Variants in POM121 observed in about 807,000 individuals in gnomAD.
POM121 encodes nuclear envelope pore membrane protein POM 121.
Under a neutral mutation model 81.3 loss-of-function variants are expected in POM121, and 32 were observed. The ratio of observed to expected loss-of-function variants is 0.39; its 90% CI spans 0.30 to 0.53. The LOEUF is 0.53. Ranked by LOEUF, POM121 falls within the 20% of genes least tolerant of loss-of-function variation. POM121 has a pLI of 0.66. For synonymous variants in POM121, 514 were observed against 694.2 expected, an observed-to-expected ratio of 0.74 and a Z score of 4.08; for missense variants, 1,138 against 1,614.6, an observed-to-expected ratio of 0.70 and a Z score of 5.06.
chr7:72,939,749 C>A, intron 7 of POM121, 98 bp from the exon 8 acceptor site: 1 of 1,609,454 alleles, frequency 6.2e-7, no homozygotes, highest in Non-Finnish European at 8.5e-7. Context: ...TTCAGAGATA[C>A]CCATTGAAAA....
At chr7:72,948,699 C>A (rs782342980), downstream of POM121, 14 of 1,590,180 alleles carry the variant, frequency 8.8e-6, no homozygotes, top group South Asian at 1.4e-4. Flanking sequence ...ATTACAGCAA[C>A]GAAGAAGCCA....
intron 10 of POM121, among the ~76,000 whole-genome samples, chr7:72,941,414 G>A (rs1240503461): frequency 1.3e-5 from 2 of 149,116 alleles, no homozygotes; most frequent in Non-Finnish European, 3.0e-5. Flanking sequence ...ACGGCACTGC[G>A]CGCGCACACC....
rs571776461 is a variant in POM121, at chr7:72,934,664, G to C, written c.1276-3926G>C. Among the ~76,000 whole-genome samples, 10 of 152,290 alleles carry C rather than the reference G, an allele frequency of 6.6e-5. No individual in the cohort carries two copies. The East Asian group carries it at 1.9e-3, about 29-fold the overall frequency. On this transcript the variant is annotated intron_variant, in intron 5 of 12. Coordinates refer to ENST00000434423, the MANE Select transcript of POM121 (RefSeq NM_001387691.1). The stretch of plus-strand genomic sequence containing the variant: ...CCTGAAATTAATTTTTGTATATGGT[G>C]TGAGGTTGGAATCAAAATTAGTTTT...
At chr7:72,890,290 AG>A (rs1791175708) in intron 1 of POM121, among the ~76,000 whole-genome samples, 1 of 152,202 alleles carries the variant, frequency 6.6e-6, no homozygotes, top group South Asian at 2.1e-4. Context: ...GACTAAAAGA[AG>A]TGACAAGGAG....
chr7:72,882,954 A>G (rs1790310883), intron 1 of POM121, among the ~76,000 whole-genome samples: 1 of 152,052 alleles, frequency 6.6e-6, no homozygotes, highest in Non-Finnish European at 1.5e-5. Context: ...TATTTTCTCC[A>G]TGGAGTCTCT....
chr7:72,930,070 G>T lies in POM121; in HGVS notation c.1234G>T (p.Ala412Ser). Reference protein sequence around the residue: ...ASGIPSSSRNAITSSYSSTRG... With the variant: ...ASGIPSSSRNSITSSYSSTRG... ...TGGCATCCCTAGCTCCAGCCGCAAT[G>T]CCATTACCAGTTCCTACAGCTCCAC... The change falls in exon 5 of 13, where the codon GCC (alanine) becomes TCC (serine). Residue 412 changes from alanine to serine, a missense_variant. By Grantham distance (99) the Ala-to-Ser change is moderately conservative. Transcript: ENST00000434423. 6.2e-7 allele frequency: 1 copy of T among 1,613,882 alleles called. No individual in the cohort carries two copies. The highest frequency in any genetic ancestry group is 8.5e-7 in the Non-Finnish European group (1 of 1,179,798).
chr7:72,885,874 T>A (rs1790652885), intron 1 of POM121, among the ~76,000 whole-genome samples: 1 of 151,780 alleles, frequency 6.6e-6, no homozygotes, highest in South Asian at 2.1e-4. Context: ...TCTTCCTTCC[T>A]TTTGATTAGT....
chr7:72,901,134 C>T (rs1157370892), intron 3 of POM121, among the ~76,000 whole-genome samples: 9 of 151,702 alleles, frequency 5.9e-5, no homozygotes, highest in Admixed American at 3.9e-4. Context: ...TACAGGTATG[C>T]GCCACCATGC....
upstream of POM121, among the ~76,000 whole-genome samples, chr7:72,923,453 G>C (rs1795017539): frequency 6.6e-6 from 1 of 151,778 alleles, no homozygotes; most frequent in South Asian, 2.1e-4. Flanking sequence ...GTCTTGCTCT[G>C]TCGACAGCCC....
chr7:72,895,655 C>T (rs1156567069), intron 3 of POM121, among the ~76,000 whole-genome samples: 3 of 152,162 alleles, frequency 2.0e-5, no homozygotes, highest in African/African-American at 7.2e-5. Flanking sequence ...CGCAGTGGCT[C>T]ACACCTGTAA....
At chr7:72,917,345 C>T (rs1357860808) in intron 4 of POM121, among the ~76,000 whole-genome samples, 10 of 152,216 alleles carry the variant, frequency 6.6e-5, no homozygotes, top group Non-Finnish European at 1.3e-4. Flanking sequence ...GCTGGGCCTG[C>T]ACTGACCCTC....
At position 72,926,419 on chromosome 7, in the gene POM121, T is replaced by C; in HGVS notation, c.802T>C (p.Cys268Arg). The change falls in exon 2 of 13, where the codon TGT becomes CGT. Residue 268 changes from cysteine to arginine, a missense_variant. Around this residue, in one of 7 missense-constraint regions of POM121, gnomAD observed 646 missense variants for 633.5 expected, o/e 1.02. Transcript: ENST00000434423. ...GTCCCCTCGCAACTCCAGGATGGTG[T>C]GTAGCCCAGTGACTGTGAGGATCGC... ...VLSPRNSRMVCSPVTVRIAPP... is the reference protein window; with the variant it reads ...VLSPRNSRMVRSPVTVRIAPP... The C allele has an allele frequency of 6.2e-7, 1 of 1,614,002 alleles. No individual in the cohort carries two copies. Among genetic ancestry groups the C allele is most frequent in the Non-Finnish European group, 8.5e-7 (1 of 1,179,878 alleles).
At chr7:72,894,411 C>T (rs1436114123) in intron 3 of POM121, among the ~76,000 whole-genome samples, 8 of 151,940 alleles carry the variant, frequency 5.3e-5, no homozygotes, top group African/African-American at 1.9e-4. Flanking sequence ...AACCCCGTCT[C>T]TACTAAATAT....
At chr7:72,945,766 G>A (rs1797628563) in intron 12 of POM121, 58 bp downstream of exon 12, 3 of 1,564,140 alleles carry the variant, frequency 1.9e-6, no homozygotes, top group East Asian at 4.6e-5. Context: ...GTTGGGCGGG[G>A]TGGCAGGTTC....
At chr7:72,911,141 G>A (rs1425973493) in intron 3 of POM121, among the ~76,000 whole-genome samples, 1 of 152,130 alleles carries the variant, frequency 6.6e-6, no homozygotes, top group Non-Finnish European at 1.5e-5. Flanking sequence ...TCGCCACCAC[G>A]CCCAGCTCAT....
At chr7:72,892,257 T>TA (rs1790263021) in intron 3 of POM121, among the ~76,000 whole-genome samples, 1 of 152,254 alleles carries the variant, frequency 6.6e-6, no homozygotes, top group Admixed American at 6.5e-5. Flanking sequence ...TCCAAATTGA[T>TA]ATGTCTGACA....
chr7:72,923,123 C>CG (rs1399340599), upstream of POM121, among the ~76,000 whole-genome samples: 5 of 148,776 alleles, frequency 3.4e-5, no homozygotes, highest in Non-Finnish European at 6.0e-5. Context: ...ACCCCCCCCC[C>CG]CTTTTTTTTT....
chr7:72,937,571 C>G (rs1796633459), intron 5 of POM121, among the ~76,000 whole-genome samples: 1 of 152,174 alleles, frequency 6.6e-6, no homozygotes, highest in South Asian at 2.1e-4. Context: ...GAAGCTTCCT[C>G]TTTTCCCTTT....
intron 4 of POM121, 41 bp downstream of exon 4, chr7:72,928,506 A>T (rs573112616): frequency 6.3e-7 from 1 of 1,592,864 alleles, no homozygotes; most frequent in Non-Finnish European, 8.6e-7. Context: ...AACTGTTTGG[A>T]AAAAGGCCTG....
Sources: allele counts gnomAD v4.1 joint callset (sites outside exome capture counted in the v4.1 genomes callset), GRCh38; gene constraint gnomAD v4.1.1; regional missense constraint gnomAD v4.1.1; transcripts MANE v1.5; gene names NCBI Gene and HGNC (gene_info 2026-07-23, HGNC 2026-07-21).